The following ELF1 variants were observed in gnomAD, a reference collection of about 807,000 sequenced individuals.
ELF1 encodes the protein E74 like ETS transcription factor 1, also known as ETS-related transcription factor Elf-1.
In ELF1, 24 loss-of-function variants were observed where a neutral mutation model predicts 59.9. The observed-to-expected ratio is 0.40, with a 90% CI of 0.29 to 0.56. ELF1 has a LOEUF of 0.56. Ranked by LOEUF, ELF1 falls within the 20% of genes least tolerant of loss-of-function variation. The pLI is 0.44. For missense variants in ELF1, 627 were observed against 742.2 expected (o/e 0.84, Z 1.80); for synonymous variants, 248 against 266.2 (o/e 0.93, Z 0.67).
intron 1 of ELF1, among the ~76,000 whole-genome samples, chr13:41,006,154 T>TCATAAAC (rs1401354560): frequency 2.0e-5 from 3 of 152,004 alleles, no homozygotes; most frequent in Admixed American, 1.3e-4. Context: ...AATGAATGGC[T>TCATAAAC]TTGAAAAACG....
At chr13:40,949,732 A>G (rs1870727812) in intron 5 of ELF1, 74 bp downstream of exon 5, 2 of 1,514,480 alleles carry the variant, frequency 1.3e-6, no homozygotes, top group Admixed American at 3.9e-5. Flanking sequence ...GGAAAGAACT[A>G]TGTAGAATAA....
chr13:41,054,804 T>C (rs555235638), intron 1 of ELF1, among the ~76,000 whole-genome samples: 4 of 152,276 alleles, frequency 2.6e-5, no homozygotes, highest in East Asian at 3.9e-4. Flanking sequence ...ACAGACATAA[T>C]CCTTCCATCC....
intron 1 of ELF1, among the ~76,000 whole-genome samples, chr13:40,995,657 C>A (rs1874091541): frequency 7.0e-6 from 1 of 142,942 alleles, no homozygotes; most frequent in Non-Finnish European, 1.5e-5. Flanking sequence ...ACTGGATATC[C>A]ACATTAAAAA....
chr13:41,009,398 C>G (rs1196921626), intron 1 of ELF1, among the ~76,000 whole-genome samples: 1 of 151,978 alleles, frequency 6.6e-6, no homozygotes, highest in Non-Finnish European at 1.5e-5. Context: ...ATACCTACAC[C>G]AAGAACTGAA....
intron 7 of ELF1, among the ~76,000 whole-genome samples, chr13:40,942,665 T>G (rs1300197684): frequency 6.6e-6 from 1 of 151,926 alleles, no homozygotes; most frequent in Non-Finnish European, 1.5e-5. Context: ...GGACCACAGG[T>G]GCATACCACC....
chr13:41,020,112 G>A (rs1875631054), upstream of ELF1, among the ~76,000 whole-genome samples: 1 of 152,142 alleles, frequency 6.6e-6, no homozygotes, highest in Admixed American at 6.6e-5. Flanking sequence ...TCTTGTGCCA[G>A]GCACCCTGCT....
At chr13:41,031,207 C>T (rs1876148944) in intron 1 of ELF1, among the ~76,000 whole-genome samples, 1 of 151,368 alleles carries the variant, frequency 6.6e-6, no homozygotes, top group Non-Finnish European at 1.5e-5. Context: ...AAAAGCAGTA[C>T]CTTTACTATC....
chr13:41,038,047 T>C (rs1008414298), intron 1 of ELF1, among the ~76,000 whole-genome samples: 1 of 134,934 alleles, frequency 7.4e-6, no homozygotes, highest in African/African-American at 2.8e-5. Flanking sequence ...AAGACTATGT[T>C]AGCAAAGTGA....
At chr13:41,061,035 G>A (rs990981809) in exon 1 of ELF1, 13 of 207,018 alleles carry the variant, frequency 6.3e-5, no homozygotes, top group Non-Finnish European at 1.4e-4. Flanking sequence ...GGGCCGCTCC[G>A]CTGCAACAGC....
chr13:41,018,815 CT>C (rs991564136), intron 1 of ELF1, among the ~76,000 whole-genome samples: 1 of 152,142 alleles, frequency 6.6e-6, no homozygotes, highest in African/African-American at 2.4e-5. Context: ...GCCACTGCCC[CT>C]GGATATTTAA....
At chr13:41,060,194 C>A (rs1399979223) in intron 1 of ELF1, among the ~76,000 whole-genome samples, 3 of 152,262 alleles carry the variant, frequency 2.0e-5, no homozygotes, top group East Asian at 3.9e-4. Context: ...GAAAGCGCGT[C>A]CCCCCGGGAG....
chr13:40,941,515 A>T, intron 7 of ELF1, 145 bp from the exon 8 acceptor site: 1 of 728,918 alleles, frequency 1.4e-6, no homozygotes. Flanking sequence ...CTGTTATTTT[A>T]TATGAGATAA....
In ELF1 at chr13:41,051,934, CTTTTTTT is replaced by C. The variant is rs757348738; in HGVS notation, c.-229+8897_-229+8903del. 4.0e-3 allele frequency among the ~76,000 whole-genome samples: 507 copies of C among 127,234 alleles called. 1 individual carries two copies. Among genetic ancestry groups the C allele is most frequent in the African/African-American group, 0.014 (463 of 33,754 alleles). The allele number at this position is 127,234 out of a possible 152,430, so 83.5% of individuals were successfully genotyped here. On this transcript the variant is annotated intron_variant, in intron 1 of 1. Coordinates refer to the ELF1 transcript ENST00000405737. Reference sequence around the variant, plus strand: ...ATCACTTTTCTTTCTTTCTTTTTCTCTTTTTTTTTTTTTTTTTTTTGAGACAGAGTCT... The same window carrying C: ...ATCACTTTTCTTTCTTTCTTTTTCTCTTTTTTTTTTTTTGAGACAGAGTCT...
intron 3 of ELF1, among the ~76,000 whole-genome samples, chr13:40,954,152 G>A (rs1001726885): frequency 4.2e-4 from 64 of 152,200 alleles, no homozygotes; most frequent in African/African-American, 1.5e-3. Context: ...CACTGGTAAG[G>A]GAAAAGTAAC....
At chr13:41,004,356 G>C (rs1007109473) in intron 1 of ELF1, among the ~76,000 whole-genome samples, 5 of 151,960 alleles carry the variant, frequency 3.3e-5, no homozygotes, top group African/African-American at 4.8e-5. Context: ...AAGGAAAGGG[G>C]GTGGGGGATA....
Position 40,943,911 on chromosome 13 carries a change from G to C in ELF1, c.544C>G (p.Pro182Ala), listed in dbSNP as rs1870345966. The C allele has an allele frequency of 6.2e-7, 1 of 1,613,520 alleles. No homozygotes were observed. Among genetic ancestry groups the C allele is most frequent in the East Asian group, 2.2e-5 (1 of 44,854 alleles). Residue 182 changes from proline to alanine, a missense_variant, in exon 6 of 9, where the codon CCA becomes GCA. Physicochemically the swap from Pro to Ala is conservative, Grantham distance 27. Coordinates refer to ENST00000239882, the MANE Select transcript of ELF1 (RefSeq NM_172373.4). ...PKRKKGRKTKPPRPDSPATTP... is the reference protein window; with the variant it reads ...PKRKKGRKTKAPRPDSPATTP... Reference sequence around the variant, plus strand: ...GTGGCTGGGGAATCTGGTCGTGGTGGTTTAGTTTTTCTTCCTGAAATAAAA... The same window carrying C: ...GTGGCTGGGGAATCTGGTCGTGGTGCTTTAGTTTTTCTTCCTGAAATAAAA...
intron 1 of ELF1, among the ~76,000 whole-genome samples, chr13:40,994,489 A>G (rs1425848404): frequency 6.6e-6 from 1 of 152,024 alleles, no homozygotes; most frequent in African/African-American, 2.4e-5. Context: ...CTAAAAATAC[A>G]AAAATTACCT....
Position 40,949,789 on chromosome 13 carries a change from C to A in ELF1, c.529+17G>T. The A allele has an allele frequency of 6.2e-7, 1 of 1,612,976 alleles. No individual in the cohort carries two copies. Among genetic ancestry groups the A allele is most frequent in the Non-Finnish European group, 8.5e-7 (1 of 1,179,458 alleles). On this transcript the variant is annotated intron_variant, in intron 5 of 8. Coordinates refer to ENST00000239882, the MANE Select transcript of ELF1 (RefSeq NM_172373.4). Reference sequence around the variant, plus strand: ...CCAAGACTTGACTATGCGCCCTAAACAAAGTAACCCACCTACCTTTTTTCC... The same window carrying A: ...CCAAGACTTGACTATGCGCCCTAAAAAAAGTAACCCACCTACCTTTTTTCC...
chr13:41,044,843 T>C lies in ELF1; in HGVS notation c.-229+15995A>G, dbSNP rs149898625. On this transcript the variant is annotated intron_variant, in intron 1 of 1. Coordinates refer to the ELF1 transcript ENST00000405737. ...TAGGGAAGATTCCCTCTTTTCCTAT[T>C]GACTGGAATAGTTTCAGAAGGAATG... Among the ~76,000 whole-genome samples the C allele has an allele frequency of 6.6e-4, 101 of 152,326 alleles. 1 individual carries two copies. In the East Asian group the frequency reaches 0.019, roughly 28 times the overall value.
Sources: allele counts gnomAD v4.1 joint callset (sites outside exome capture counted in the v4.1 genomes callset), GRCh38; gene constraint gnomAD v4.1.1; transcripts MANE v1.5; gene names NCBI Gene and HGNC (gene_info 2026-07-23, HGNC 2026-07-21).